The following MOV10 variants were observed in gnomAD, a reference collection of about 807,000 sequenced individuals.
The protein encoded by MOV10 is RNA helicase MOV-10.
In MOV10, 39 loss-of-function variants were observed where a neutral mutation model predicts 108.4. The ratio of observed to expected loss-of-function variants is 0.36; its 90% CI spans 0.28 to 0.47. The LOEUF (loss-of-function observed/expected upper bound fraction) is 0.47, where lower values mean the gene tolerates loss of function less well. Among genes scored for constraint, MOV10 ranks in the 20% least tolerant of loss-of-function variants. MOV10 has a pLI of 1.00. For missense variants in MOV10, 952 were observed against 1,297.6 expected (o/e 0.73, Z 4.09); for synonymous variants, 490 against 523.1 (o/e 0.94, Z 0.86).
At chr1:112,691,517 A>G (rs1047483600) in intron 5 of MOV10, 148 bp from the exon 6 acceptor site, 11 of 886,352 alleles carry the variant, frequency 1.2e-5, no homozygotes, top group Non-Finnish European at 1.9e-5. Flanking sequence ...TGTTCCAAAA[A>G]TGAGAGTAGT....
intron 3 of MOV10, 85 bp from the exon 4 acceptor site, chr1:112,689,330 C>T: frequency 1.4e-6 from 2 of 1,384,314 alleles, no homozygotes; most frequent in African/African-American, 1.4e-5. Flanking sequence ...CTTTGCCTGC[C>T]TCCCAAGCCT....
In MOV10 at chr1:112,695,444, T is replaced by C; in HGVS notation, c.1649T>C (p.Ile550Thr). 1 of 1,614,170 alleles carries C rather than the reference T, an allele frequency of 6.2e-7. No individual in the cohort carries two copies. The highest frequency in any genetic ancestry group is 8.5e-7 in the Non-Finnish European group (1 of 1,180,022). Residue 550 changes from isoleucine (I) to threonine (T), a missense_variant, in exon 11 of 21, where the codon ATC (isoleucine) becomes ACC (threonine). This residue lies in a region of MOV10 where 453 missense variants were observed against 611.5 expected (regional missense o/e 0.74). Coordinates refer to ENST00000369645, the MANE Select transcript of MOV10 (RefSeq NM_001321324.2). ...GTGAAGCACTTGCCCAAAGCCCACA[T>C]CTTGGCCTGCGCTCCATCCAACTCA... ...QVVKHLPKAHILACAPSNSGA... is the reference protein window; with the variant it reads ...QVVKHLPKAHTLACAPSNSGA...
chr1:112,691,504 G>A (rs1673582390), intron 5 of MOV10, among the ~76,000 whole-genome samples, 161 bp from the exon 6 acceptor site: 2 of 151,952 alleles, frequency 1.3e-5, no homozygotes, highest in South Asian at 4.2e-4. Context: ...TCCAAGTATC[G>A]CATGTTCCAA....
rs564150329 is a variant in MOV10, at chr1:112,690,504, C to T, written c.836+406C>T. 1.1e-3 allele frequency among the ~76,000 whole-genome samples: 174 copies of T among 152,158 alleles called. 1 individual carries two copies. Among genetic ancestry groups the T allele is most frequent in the Middle Eastern group, 3.4e-3 (1 of 294 alleles). The stretch of plus-strand genomic sequence containing the variant: ...CCTCCTGAGTAGCTGGGATTACAGG[C>T]GCCCACTACAACACCCGGCTAATTT... On this transcript the variant is annotated intron_variant, in intron 5 of 20. Transcript: ENST00000369645.
At chr1:112,687,452 T>C (rs1457865399) in intron 2 of MOV10, among the ~76,000 whole-genome samples, 1 of 152,198 alleles carries the variant, frequency 6.6e-6, no homozygotes, top group Non-Finnish European at 1.5e-5. Flanking sequence ...GATTTGCTTT[T>C]AAGGGAGGGT....
chr1:112,692,911 C>A lies in MOV10; in HGVS notation c.1122C>A (p.Pro374=). The A allele has an allele frequency of 3.1e-6, 5 of 1,611,430 alleles. No homozygotes were observed. The highest frequency in any genetic ancestry group is 4.2e-6 in the Non-Finnish European group (5 of 1,178,994). The change falls in exon 7 of 21, where the codon CCC becomes CCA. Residue 374 remains proline, a synonymous_variant. Transcript: ENST00000369645. ...PMTWDPVDQN[P]RLLTLEVPGV... ...CCTGGGACCCTGTGGACCAGAACCC[C>A]AGGCTGCTCACGCTGGAGGTCAGGG...
intron 2 of MOV10, among the ~76,000 whole-genome samples, chr1:112,685,527 C>T (rs1242878357): frequency 1.3e-5 from 2 of 151,594 alleles, no homozygotes; most frequent in Non-Finnish European, 2.9e-5. Flanking sequence ...TGGTGGCGTG[C>T]ACCTGTAGTC....
chr1:112,695,286 C>T (rs532663393), intron 10 of MOV10, 130 bp from the exon 11 acceptor site: 110 of 884,430 alleles, frequency 1.2e-4, no homozygotes, highest in African/African-American at 3.0e-4. Context: ...CACTGTTGTA[C>T]GGGTAGGGCA....
rs774195962 is a variant in MOV10 at position 112,696,833 on chromosome 1, C to A, written c.2185C>A (p.Leu729Ile). 2 of 1,595,354 alleles carry A rather than the reference C, an allele frequency of 1.3e-6. No homozygotes were observed. The highest frequency in any genetic ancestry group is 2.3e-5 in the South Asian group (2 of 88,520). ...TGACCCCCAGTTCATAACCAAGCTG[C>A]TCCGCAACTACAGGTATTCCCATGC... ...GYDPQFITKLLRNYRSHPTIL... is the reference protein window; with the variant it reads ...GYDPQFITKLIRNYRSHPTIL... The change falls in exon 14 of 21, where the codon CTC becomes ATC. Residue 729 changes from leucine to isoleucine, a missense_variant. Physicochemically the swap from Leu to Ile is conservative, Grantham distance 5. Around this residue, in one of 5 missense-constraint regions of MOV10, gnomAD observed 453 missense variants for 611.5 expected, o/e 0.74. Transcript: ENST00000369645.
Position 112,689,463 on chromosome 1 carries a change from G to T in MOV10, c.390G>T (p.Gly130=). 2 of 1,614,046 alleles carry T rather than the reference G, an allele frequency of 1.2e-6. No individual in the cohort carries two copies. Among genetic ancestry groups the T allele is most frequent in the Non-Finnish European group, 1.7e-6 (2 of 1,179,986 alleles). Reference sequence around the variant, plus strand: ...ATGGTGTGGATGTGGAAGTCCAGGGGCCCCATGAAGCCCGAGATGGGCAGC... The same window carrying T: ...ATGGTGTGGATGTGGAAGTCCAGGGTCCCCATGAAGCCCGAGATGGGCAGC... ...GKHGVDVEVQ[G]PHEARDGQLL... is the part of the protein sequence containing the mutation. The change falls in exon 4 of 21, where the codon GGG becomes GGT. Residue 130 remains glycine, a synonymous_variant. Transcript: ENST00000369645.
At chr1:112,699,856 C>G (rs375397963) in intron 18 of MOV10, 38 bp from the exon 19 acceptor site, 3 of 1,613,984 alleles carry the variant, frequency 1.9e-6, no homozygotes, top group East Asian at 4.5e-5. Context: ...ATTCTCGGGG[C>G]TCTTCCCTCC....
intron 17 of MOV10, chr1:112,699,304 T>G (rs536828172): frequency 9.8e-4 from 295 of 300,172 alleles, no homozygotes; most frequent in Non-Finnish European, 3.7e-4. Flanking sequence ...CTCTAAGACT[T>G]ACAGGCCTCT....
intron 2 of MOV10, among the ~76,000 whole-genome samples, chr1:112,679,536 T>C (rs1004129540): frequency 1.3e-5 from 2 of 151,978 alleles, no homozygotes; most frequent in African/African-American, 4.8e-5. Context: ...GAGTTGTAAA[T>C]TGAGGGAACA....
intron 17 of MOV10, 155 bp from the exon 18 acceptor site, chr1:112,699,530 C>T (rs986844241): frequency 2.7e-5 from 40 of 1,477,466 alleles, no homozygotes; most frequent in Non-Finnish European, 3.0e-5. Context: ...ACCTCCCATC[C>T]CCTTTCCCTG....
intron 2 of MOV10, among the ~76,000 whole-genome samples, chr1:112,688,129 AATG>A (rs1448547081): frequency 1.6e-4 from 24 of 152,114 alleles, no homozygotes; most frequent in Non-Finnish European, 3.1e-4. Context: ...ACCACGCTGG[AATG>A]TATATGTTCA....
In MOV10 at chr1:112,696,845, A is replaced by G; in HGVS notation, c.2197A>G (p.Arg733Gly). The change falls in exon 14 of 21, where the codon AGG (arginine) becomes GGG (glycine). Residue 733 changes from arginine (R) to glycine (G), a missense_variant and splice_region_variant. Arg to Gly is a moderately radical substitution (Grantham distance 125, BLOSUM62 -2). Transcript: ENST00000369645. ...CATAACCAAGCTGCTCCGCAACTAC[A>G]GGTATTCCCATGCCCTTGCCTCCCC... ...QFITKLLRNY[R>G]SHPTILDIPN... 1 of 1,582,386 alleles carries G rather than the reference A, an allele frequency of 6.3e-7. No individual in the cohort carries two copies. The highest frequency in any genetic ancestry group is 1.8e-5 in the Admixed American group (1 of 55,660).
chr1:112,692,923 G>T lies in MOV10; in HGVS notation c.1134G>T (p.Thr378=). 1 of 1,608,680 alleles carries T rather than the reference G, an allele frequency of 6.2e-7. No individual in the cohort carries two copies. The highest frequency in any genetic ancestry group is 8.5e-7 in the Non-Finnish European group (1 of 1,177,826). The change falls in exon 7 of 21, where the codon ACG becomes ACT. Residue 378 remains threonine, a synonymous_variant. Coordinates refer to ENST00000369645, the MANE Select transcript of MOV10 (RefSeq NM_001321324.2). The part of the protein sequence containing the change: ...DPVDQNPRLL[T]LEVPGVTESR... ...TGGACCAGAACCCCAGGCTGCTCAC[G>T]CTGGAGGTCAGGGCTCAGATTGAGT...
At chr1:112,685,571 C>T (rs2101314558) in intron 2 of MOV10, among the ~76,000 whole-genome samples, 1 of 151,850 alleles carries the variant, frequency 6.6e-6, no homozygotes, top group South Asian at 2.1e-4. Context: ...AGGAGACTCA[C>T]TTGAACCCGG....
chr1:112,697,809 ATT>A, intron 14 of MOV10, 183 bp from the exon 15 acceptor site: 1 of 642,188 alleles, frequency 1.6e-6, no homozygotes, highest in Non-Finnish European at 2.8e-6. Context: ...CTGGAACTAT[ATT>A]TGGTTCTGCT....
Sources: allele counts gnomAD v4.1 joint callset (sites outside exome capture counted in the v4.1 genomes callset), GRCh38; gene constraint gnomAD v4.1.1; regional missense constraint gnomAD v4.1.1; transcripts MANE v1.5; gene names NCBI Gene and HGNC (gene_info 2026-07-23, HGNC 2026-07-21).